The following CHRM2 variants were observed in gnomAD, a reference collection of about 807,000 sequenced individuals.
CHRM2 encodes the protein cholinergic receptor muscarinic 2, also known as muscarinic acetylcholine receptor M2.
In CHRM2, 8 loss-of-function variants were observed where a neutral mutation model predicts 25.0. The ratio of observed to expected loss-of-function variants is 0.32; its 90% CI spans 0.19 to 0.58. The LOEUF (loss-of-function observed/expected upper bound fraction) is 0.58, where lower values mean the gene tolerates loss of function less well. Among genes scored for constraint, CHRM2 ranks in the 20% least tolerant of loss-of-function variants. The pLI is 0.88. For synonymous variants in CHRM2, 202 were observed against 205.7 expected, an observed-to-expected ratio of 0.98 and a Z score of 0.15; for missense variants, 440 against 567.1, an observed-to-expected ratio of 0.78 and a Z score of 2.28.
At chr7:136,944,569 T>C (rs1343374900) in intron 2 of CHRM2, among the ~76,000 whole-genome samples, 1 of 152,016 alleles carries the variant, frequency 6.6e-6, no homozygotes, top group Non-Finnish European at 1.5e-5. Context: ...ATCCACTGGT[T>C]GATTGATGAG....
At chr7:136,926,263 A>G (rs13438626) in intron 2 of CHRM2, among the ~76,000 whole-genome samples, 23,540 of 151,852 alleles carry the variant, frequency 0.16, 2,575 homozygotes, top group African/African-American at 0.3. Context: ...AAAAATTAAA[A>G]ATAAAAATAA....
chr7:136,919,507 T>C (rs1201274715), intron 2 of CHRM2, among the ~76,000 whole-genome samples: 1 of 152,146 alleles, frequency 6.6e-6, no homozygotes, highest in Non-Finnish European at 1.5e-5. Context: ...CAAGTTGTTC[T>C]CCTGTTTAGA....
intron 2 of CHRM2, among the ~76,000 whole-genome samples, chr7:136,944,467 G>A (rs1799949492): frequency 7.3e-5 from 6 of 82,616 alleles, no homozygotes; most frequent in Admixed American, 5.6e-4. Flanking sequence ...ATATATGTAT[G>A]TATGTATGTG....
intron 2 of CHRM2, among the ~76,000 whole-genome samples, chr7:136,889,870 A>G (rs1796622072): frequency 6.6e-6 from 1 of 152,178 alleles, no homozygotes; most frequent in Admixed American, 6.5e-5. Context: ...CGTTAGACTT[A>G]GTTATTCCTG....
At chr7:136,967,706 A>C (rs565953886) in intron 2 of CHRM2, among the ~76,000 whole-genome samples, 1 of 151,728 alleles carries the variant, frequency 6.6e-6, no homozygotes, top group African/African-American at 2.4e-5. Context: ...CTCTTTCTGT[A>C]ATTACTATTA....
chr7:136,890,981 A>G (rs186832900), intron 2 of CHRM2, among the ~76,000 whole-genome samples: 1 of 152,278 alleles, frequency 6.6e-6, no homozygotes, highest in African/African-American at 2.4e-5. Context: ...CTCACCTTAT[A>G]AACGATCCAC....
chr7:136,976,405 A>T (rs1425075664), intron 2 of CHRM2, among the ~76,000 whole-genome samples: 1 of 152,154 alleles, frequency 6.6e-6, no homozygotes, highest in Non-Finnish European at 1.5e-5. Context: ...TAGATACTTA[A>T]TAACTAATTC....
At chr7:136,953,977 A>G (rs1469989865) in intron 2 of CHRM2, among the ~76,000 whole-genome samples, 4 of 152,076 alleles carry the variant, frequency 2.6e-5, no homozygotes, top group African/African-American at 9.7e-5. Flanking sequence ...CTTGGGCCAG[A>G]GCTGGACTGG....
chr7:136,948,456 C>A (rs562169308), intron 2 of CHRM2, among the ~76,000 whole-genome samples: 120 of 152,118 alleles, frequency 7.9e-4, no homozygotes, highest in African/African-American at 2.8e-3. Context: ...GAAGTGAGGG[C>A]AAAGTTGAAG....
chr7:136,987,809 C>T (rs551811484), intron 2 of CHRM2, among the ~76,000 whole-genome samples: 1 of 152,312 alleles, frequency 6.6e-6, no homozygotes, highest in East Asian at 1.9e-4. Context: ...TAAACACATT[C>T]GGACTTCAAT....
At position 136,869,492 on chromosome 7, in the gene CHRM2, A is replaced by G. The variant is rs988821189; in HGVS notation, c.-125+74A>G. On this transcript the variant is annotated intron_variant, in intron 2 of 3. Transcript: ENST00000680005. The surrounding 1 kb of genome is among the most constrained non-coding windows in gnomAD (Gnocchi z 4.9). ...CTGGCACCAGGGGGTCTCTCCCTTC[A>G]TATCCCCCCAAGCCGGAGGCTCAGG... 2 of 152,190 alleles carry G rather than the reference A, an allele frequency of 1.3e-5. No homozygotes were observed. The highest frequency in any genetic ancestry group is 4.8e-5 in the African/African-American group (2 of 41,408). 9.4% of individuals were successfully genotyped at this position (152,190 alleles called of 1,614,324 possible).
chr7:136,980,289 G>A (rs187271403), intron 2 of CHRM2, among the ~76,000 whole-genome samples: 40 of 152,286 alleles, frequency 2.6e-4, no homozygotes, highest in African/African-American at 8.9e-4. Flanking sequence ...TTTGCACATT[G>A]ATTTTGTATC....
chr7:136,939,220 G>A (rs962610808), intron 2 of CHRM2, among the ~76,000 whole-genome samples: 7 of 152,152 alleles, frequency 4.6e-5, no homozygotes, highest in Non-Finnish European at 1.0e-4. Context: ...TCTAAGAGAA[G>A]TAGTTTTGTT....
intron 2 of CHRM2, among the ~76,000 whole-genome samples, chr7:136,986,779 A>G (rs1374564162): frequency 6.6e-6 from 1 of 152,124 alleles, no homozygotes; most frequent in African/African-American, 2.4e-5. Flanking sequence ...CAAAACATAT[A>G]AGTTACCCAG....
intron 3 of CHRM2, among the ~76,000 whole-genome samples, chr7:137,006,546 T>C (rs1394514743): frequency 6.6e-6 from 1 of 152,132 alleles, no homozygotes; most frequent in African/African-American, 2.4e-5. Flanking sequence ...ATAATCCTGA[T>C]CTTTTTTACA....
chr7:136,919,396 AAAAT>A (rs1411486274), intron 2 of CHRM2, among the ~76,000 whole-genome samples: 2 of 152,166 alleles, frequency 1.3e-5, no homozygotes, highest in African/African-American at 2.4e-5. Context: ...TTTGATAATT[AAAAT>A]AAATATTAGA....
chr7:136,929,233 T>C (rs1326695656), intron 2 of CHRM2, among the ~76,000 whole-genome samples: 1 of 152,068 alleles, frequency 6.6e-6, no homozygotes, highest in Non-Finnish European at 1.5e-5. Flanking sequence ...TTTTGGAACC[T>C]TCTCCTTGCC....
chr7:136,938,144 T>G, intron 2 of CHRM2: 1 of 648,594 alleles, frequency 1.5e-6, no homozygotes, highest in Non-Finnish European at 2.8e-6. Context: ...CCTCTTCTTG[T>G]CAGGATCTGA....
At chr7:136,897,130 C>CA (rs371077556) in intron 2 of CHRM2, among the ~76,000 whole-genome samples, 5,003 of 76,150 alleles carry the variant, frequency 0.066, 198 homozygotes, top group African/African-American at 0.16. Flanking sequence ...GTAGGTTGGC[C>CA]AAAAAAAAAA....
Sources: gnomAD v4.1 joint callset for allele counts (sites outside exome capture counted in the v4.1 genomes callset) on GRCh38, gnomAD v4.1.1 for gene constraint, Gnocchi (gnomAD v3.1) non-coding constraint, MANE v1.5 for transcripts, NCBI Gene and HGNC (gene_info 2026-07-23, HGNC 2026-07-21) for gene names.